The following RAB40B variants were observed in gnomAD, a reference collection of about 807,000 sequenced individuals.
The protein encoded by RAB40B is RAB40B, member RAS oncogene family, also known as ras-related protein Rab-40B.
RAB40B carries 21 observed loss-of-function variants against 24.0 expected under a neutral mutation model. That is an observed-to-expected ratio of 0.88 (90% CI 0.62 to 1.26). The LOEUF is 1.26. Ranked by LOEUF, RAB40B falls within the 50% of genes most tolerant of loss-of-function variation. The pLI, the probability that RAB40B is intolerant of heterozygous loss-of-function variation, is 0.00. For missense variants in RAB40B, 348 were observed against 390.5 expected (o/e 0.89, Z 0.92); for synonymous variants, 167 against 169.8 (o/e 0.98, Z 0.13).
At position 82,663,433 on chromosome 17, in the gene RAB40B, C is replaced by T. The variant is rs964921739; in HGVS notation, c.203+1063G>A. ...GAGGCACCGCAGGAGCCCCCCATCC[C>T]CACCGCCCCAGAGCTGGAACCGCAG... On this transcript the variant is annotated intron_variant, in intron 2 of 5. Transcript: ENST00000571995. The surrounding 1 kb of genome is among the most constrained non-coding windows in gnomAD (Gnocchi z 6.2). Among the ~76,000 whole-genome samples the T allele has an allele frequency of 2.0e-5, 3 of 152,094 alleles. No individual in the cohort carries two copies. Among genetic ancestry groups the T allele is most frequent in the Non-Finnish European group, 4.4e-5 (3 of 67,982 alleles).
At chr17:82,687,019 G>C (rs2046509515) in intron 1 of RAB40B, among the ~76,000 whole-genome samples, 1 of 152,186 alleles carries the variant, frequency 6.6e-6, no homozygotes, top group South Asian at 2.1e-4. Flanking sequence ...CTCCTGTCCA[G>C]TGCTGGGGGG....
rs545757470 is a variant in RAB40B, at chr17:82,689,943, G to C, written c.142+8512C>G. Among the ~76,000 whole-genome samples the C allele has an allele frequency of 2.1e-5, 3 of 146,046 alleles. No homozygotes were observed. In the South Asian group the frequency reaches 6.7e-4, roughly 33 times the overall value. ...GATCGTGCCACTGCACTCCAGCCTG[G>C]GTGACAGAGCAAAACTTCATCTCAA... On this transcript the variant is annotated intron_variant, in intron 1 of 5. Transcript: ENST00000571995.
intron 1 of RAB40B, among the ~76,000 whole-genome samples, chr17:82,685,053 C>T (rs2046483834): frequency 6.6e-6 from 1 of 150,410 alleles, no homozygotes; most frequent in African/African-American, 2.5e-5. Flanking sequence ...GCAGGGGTTG[C>T]AGTGAGCCGA....
intron 4 of RAB40B, chr17:82,659,338 A>G: frequency 3.8e-6 from 2 of 523,038 alleles, no homozygotes; most frequent in East Asian, 3.3e-5. Context: ...TAGCCGAGGT[A>G]CGCCGTGGAC....
At chr17:82,690,662 G>A (rs1402789842) in intron 1 of RAB40B, among the ~76,000 whole-genome samples, 1 of 149,510 alleles carries the variant, frequency 6.7e-6, no homozygotes, top group Non-Finnish European at 1.5e-5. Flanking sequence ...GGGGAGCAGA[G>A]AGTGTGCACG....
chr17:82,659,772 A>G, intron 3 of RAB40B, 115 bp from the exon 4 acceptor site: 8 of 787,238 alleles, frequency 1.0e-5, no homozygotes, highest in Non-Finnish European at 1.5e-5. Flanking sequence ...CACAAAGTAC[A>G]TAATTTTGAT....
chr17:82,662,160 CGA>C, intron 2 of RAB40B: 6 of 985,468 alleles, frequency 6.1e-6, no homozygotes, highest in South Asian at 4.7e-5. Flanking sequence ...ACCCTCAGCA[CGA>C]GAGAGAAGGG....
At chr17:82,658,160 C>T in intron 5 of RAB40B, 26 bp from the exon 6 acceptor site, 1 of 1,601,542 alleles carries the variant, frequency 6.2e-7, no homozygotes, top group Non-Finnish European at 8.5e-7. Context: ...ATAAACCTTG[C>T]TTAGTGGATG....
At position 82,659,145 on chromosome 17, in the gene RAB40B, G is replaced by C. The variant is rs2046128046; in HGVS notation, c.343-432C>G. 5 of 243,310 alleles carry C rather than the reference G, an allele frequency of 2.1e-5. No individual in the cohort carries two copies. The South Asian group carries it at 3.4e-4, about 16-fold the overall frequency. The allele number at this position is 243,310 out of a possible 1,614,324, so 15.1% of individuals were successfully genotyped here. Reference sequence around the variant, plus strand: ...GCATTTCTGTTGTTCAGGACGCCCAGGTTGTGGTCGTCGGTTCTAGCAGCC... The same window carrying C: ...GCATTTCTGTTGTTCAGGACGCCCACGTTGTGGTCGTCGGTTCTAGCAGCC... On this transcript the variant is annotated intron_variant, in intron 4 of 5. Transcript: ENST00000571995.
chr17:82,679,392 C>T (rs1046933590), intron 1 of RAB40B, among the ~76,000 whole-genome samples: 1 of 151,876 alleles, frequency 6.6e-6, no homozygotes, highest in Admixed American at 6.6e-5. Flanking sequence ...CGCCATTCTC[C>T]TGCCTCAGCC....
In RAB40B at chr17:82,686,920, C is replaced by T. The variant is rs538520387; in HGVS notation, c.142+11535G>A. Among the ~76,000 whole-genome samples, 12 of 149,284 alleles carry T rather than the reference C, an allele frequency of 8.0e-5. No individual in the cohort carries two copies. The South Asian group carries it at 1.3e-3, about 16-fold the overall frequency. On this transcript the variant is annotated intron_variant, in intron 1 of 5. Coordinates refer to ENST00000571995, the MANE Select transcript of RAB40B (RefSeq NM_006822.3). ...AAGACCCTCCCATCCAGTGCTGGGG[C>T]GAAGGGTGCTCAGAGGTCAAGGGCA...
chr17:82,659,459 C>T (rs957666964), intron 4 of RAB40B, 121 bp downstream of exon 4: 2 of 902,022 alleles, frequency 2.2e-6, no homozygotes, highest in African/African-American at 3.3e-5. Flanking sequence ...GGAGCGCCAT[C>T]CGGTGCCCTG....
intron 2 of RAB40B, among the ~76,000 whole-genome samples, chr17:82,664,202 C>T (rs1598297551): frequency 8.0e-6 from 1 of 124,846 alleles, no homozygotes; most frequent in South Asian, 2.6e-4. Flanking sequence ...GGGAAGGGTG[C>T]TCCCTGGGGT....
chr17:82,661,438 A>C (rs2046171438), intron 2 of RAB40B, among the ~76,000 whole-genome samples: 1 of 152,164 alleles, frequency 6.6e-6, no homozygotes. Context: ...GTTCAACTGT[A>C]AGAGCTCACA....
Position 82,674,425 on chromosome 17 carries a change from T to A in RAB40B, c.143-9869A>T, listed in dbSNP as rs548448703. On this transcript the variant is annotated intron_variant, in intron 1 of 5. Transcript: ENST00000571995. ...GGTGGGCGGATCATGAGGTCAGGAG[T>A]TCGAGACCATCCTGGCTAACAGGGT... Among the ~76,000 whole-genome samples the A allele has an allele frequency of 1.8e-4, 26 of 144,094 alleles. No homozygotes were observed. In the South Asian group the frequency reaches 2.0e-3, roughly 11 times the overall value. 94.5% of individuals were successfully genotyped at this position (144,094 alleles called of 152,430 possible).
At chr17:82,688,654 C>A (rs1338798850) in intron 1 of RAB40B, among the ~76,000 whole-genome samples, 2 of 151,978 alleles carry the variant, frequency 1.3e-5, no homozygotes, top group Non-Finnish European at 2.9e-5. Flanking sequence ...TTTGTTTGGG[C>A]CGGGCGTGGT....
chr17:82,663,994 G>GA lies in RAB40B; in HGVS notation c.203+501dup, dbSNP rs2046211460. On this transcript the variant is annotated intron_variant, in intron 2 of 5. Coordinates refer to ENST00000571995, the MANE Select transcript of RAB40B (RefSeq NM_006822.3). The surrounding 1 kb of genome is among the most constrained non-coding windows in gnomAD (Gnocchi z 6.2). Reference sequence around the variant, plus strand: ...GGCGCTGTGCCGACGGTGGTGGTGGGAGGGTGTTCCCGGGGGCGCTGTGCC... The same window carrying GA: ...GGCGCTGTGCCGACGGTGGTGGTGGGAAGGGTGTTCCCGGGGGCGCTGTGCC... Among the ~76,000 whole-genome samples, 1 of 143,834 alleles carries GA rather than the reference G, an allele frequency of 7.0e-6. No individual in the cohort carries two copies. The highest frequency in any genetic ancestry group is 1.5e-5 in the Non-Finnish European group (1 of 64,906). The allele number at this position is 143,834 out of a possible 152,430, so 94.4% of individuals were successfully genotyped here.
chr17:82,683,028 A>T (rs1332061573), intron 1 of RAB40B, among the ~76,000 whole-genome samples: 1 of 152,182 alleles, frequency 6.6e-6, no homozygotes, highest in Non-Finnish European at 1.5e-5. Context: ...CTGTAATCCC[A>T]GGTACTCGGG....
intron 1 of RAB40B, among the ~76,000 whole-genome samples, chr17:82,668,967 A>G (rs1479806075): frequency 6.6e-6 from 1 of 152,250 alleles, no homozygotes; most frequent in Non-Finnish European, 1.5e-5. Flanking sequence ...CGTAGCCTCC[A>G]TTGCTGTCAG....
Sources: allele counts gnomAD v4.1 joint callset (sites outside exome capture counted in the v4.1 genomes callset), GRCh38; gene constraint gnomAD v4.1.1; non-coding constraint Gnocchi (gnomAD v3.1); transcripts MANE v1.5; gene names NCBI Gene and HGNC (gene_info 2026-07-23, HGNC 2026-07-21).